Variants in TTLL11 observed in about 807,000 individuals in gnomAD.
The protein encoded by TTLL11 is tubulin tyrosine ligase like 11.
In TTLL11, 42 loss-of-function variants were observed where a neutral mutation model predicts 51.7. That is an observed-to-expected ratio of 0.81 (90% confidence interval 0.64 to 1.05). The LOEUF is 1.05. Ranked by LOEUF, TTLL11 falls within the 50% of genes least tolerant of loss-of-function variation. The probability of loss-of-function intolerance (pLI) is 0.00; values close to 1 mark genes in which losing one functional copy is unlikely to be tolerated. For missense variants in TTLL11, 799 were observed against 940.4 expected (o/e 0.85, Z 1.97); for synonymous variants, 381 against 383.5 (o/e 0.99, Z 0.08).
At chr9:122,021,738 A>G (rs181317632) in intron 3 of TTLL11, among the ~76,000 whole-genome samples, 64 of 152,314 alleles carry the variant, frequency 4.2e-4, no homozygotes, top group Non-Finnish European at 8.5e-4. Flanking sequence ...GTGCAGGAAT[A>G]TGGAAATATC....
At chr9:122,022,019 T>C (rs1268859838) in intron 3 of TTLL11, among the ~76,000 whole-genome samples, 1 of 152,172 alleles carries the variant, frequency 6.6e-6, no homozygotes, top group African/African-American at 2.4e-5. Flanking sequence ...GATAAGAGAT[T>C]GAATGGGATT....
chr9:121,929,439 CAA>C (rs34203510), intron 6 of TTLL11, among the ~76,000 whole-genome samples: 4 of 137,516 alleles, frequency 2.9e-5, no homozygotes, highest in Non-Finnish European at 3.2e-5. Flanking sequence ...GACCCCGTCT[CAA>C]AAAAAAAAAA....
At chr9:122,038,330 T>G (rs1168842919) in intron 2 of TTLL11, among the ~76,000 whole-genome samples, 2 of 152,038 alleles carry the variant, frequency 1.3e-5, no homozygotes, top group Admixed American at 1.3e-4. Flanking sequence ...ATCTTAAATA[T>G]CCTCTTCATT....
intron 6 of TTLL11, among the ~76,000 whole-genome samples, chr9:121,966,509 A>C (rs770842381): frequency 2.0e-5 from 3 of 152,222 alleles, no homozygotes; most frequent in Non-Finnish European, 4.4e-5. Context: ...TGATGGAACA[A>C]GCATCTTGCT....
At chr9:121,899,404 C>CAT (rs1564295600) in intron 6 of TTLL11, among the ~76,000 whole-genome samples, 1 of 56,794 alleles carries the variant, frequency 1.8e-5, no homozygotes, top group African/African-American at 5.4e-5. Flanking sequence ...TATATATATA[C>CAT]ACACACACAC....
intron 6 of TTLL11, among the ~76,000 whole-genome samples, chr9:121,937,226 G>A (rs563439207): frequency 5.3e-5 from 8 of 152,284 alleles, no homozygotes; most frequent in Non-Finnish European, 8.8e-5. Flanking sequence ...CGTGAATAAT[G>A]CCAGCTATTT....
At chr9:122,076,256 A>G (rs1845855101) in intron 1 of TTLL11, among the ~76,000 whole-genome samples, 1 of 152,212 alleles carries the variant, frequency 6.6e-6, no homozygotes, top group Non-Finnish European at 1.5e-5. Context: ...CCATAAGGCA[A>G]CCAGAGCGAT....
At chr9:122,068,166 T>C (rs1396706386) in intron 1 of TTLL11, among the ~76,000 whole-genome samples, 1 of 152,180 alleles carries the variant, frequency 6.6e-6, no homozygotes, top group Non-Finnish European at 1.5e-5. Flanking sequence ...TAAATCAATA[T>C]ATAACGATAC....
chr9:121,925,395 T>C lies in TTLL11; in HGVS notation c.1481+48614A>G, dbSNP rs559993327. 8.1e-4 allele frequency among the ~76,000 whole-genome samples: 124 copies of C among 152,252 alleles called. 1 individual carries two copies. The highest frequency in any genetic ancestry group is 6.8e-3 in the Middle Eastern group (2 of 294). On this transcript the variant is annotated intron_variant, in intron 6 of 8. Coordinates refer to ENST00000321582, the MANE Select transcript of TTLL11 (RefSeq NM_001139442.2). ...GGGCGAGGCCTCCCGCTGCCGGGCC[T>C]CCATCCATCTCGCCAGCCTTCCAGC... is the stretch of plus-strand genomic sequence containing the variant.
chr9:121,856,075 G>A (rs1837809183), intron 8 of TTLL11, among the ~76,000 whole-genome samples: 1 of 152,132 alleles, frequency 6.6e-6, no homozygotes, highest in Non-Finnish European at 1.5e-5. Context: ...GGTCCCCACT[G>A]TAATATATTT....
chr9:121,836,388 C>T (rs893898576), intron 8 of TTLL11, among the ~76,000 whole-genome samples: 1 of 152,172 alleles, frequency 6.6e-6, no homozygotes, highest in Non-Finnish European at 1.5e-5. Context: ...CCTGACATTG[C>T]TAACAACAGC....
At chr9:121,981,465 A>G (rs915150260) in intron 4 of TTLL11, among the ~76,000 whole-genome samples, 1 of 152,188 alleles carries the variant, frequency 6.6e-6, no homozygotes, top group Non-Finnish European at 1.5e-5. Flanking sequence ...AAATTTGTGT[A>G]TATAGTTATA....
intron 6 of TTLL11, among the ~76,000 whole-genome samples, chr9:121,933,260 C>A (rs1841063632): frequency 6.6e-6 from 1 of 151,968 alleles, no homozygotes; most frequent in Admixed American, 6.6e-5. Flanking sequence ...ACCATAGATG[C>A]CGGGAAAGAG....
intron 3 of TTLL11, among the ~76,000 whole-genome samples, chr9:121,996,846 T>C (rs1032591511): frequency 6.6e-6 from 1 of 152,220 alleles, no homozygotes; most frequent in Non-Finnish European, 1.5e-5. Context: ...CTTTATGTAA[T>C]TGCCAACTCT....
intron 2 of TTLL11, among the ~76,000 whole-genome samples, chr9:122,037,895 G>A (rs1364883087): frequency 2.0e-5 from 3 of 152,176 alleles, no homozygotes; most frequent in Non-Finnish European, 2.9e-5. Context: ...ACCCCTAGTG[G>A]ATGTGGCATA....
chr9:122,036,520 G>A (rs887059013), intron 2 of TTLL11, among the ~76,000 whole-genome samples: 7 of 151,638 alleles, frequency 4.6e-5, no homozygotes. Flanking sequence ...TATTTTCATA[G>A]AAAGTCTTAA....
Position 121,817,449 on chromosome 9 carries a change from G to A in TTLL11, c.*5138C>T, listed in dbSNP as rs965483773. ...AACACTACGTTTGAGCAGCGCCTTC[G>A]TTTACAAAACACTTTCACATTGATG... is the stretch of plus-strand genomic sequence containing the variant. On this transcript the variant is annotated 3_prime_UTR_variant, in exon 9 of 9. Coordinates refer to ENST00000321582, the MANE Select transcript of TTLL11 (RefSeq NM_001139442.2). The A allele has an allele frequency of 2.0e-5, 3 of 152,192 alleles. No homozygotes were observed. Among genetic ancestry groups the A allele is most frequent in the East Asian group, 1.9e-4 (1 of 5,202 alleles). 9.4% of individuals were successfully genotyped at this position (152,192 alleles called of 1,614,324 possible).
intron 8 of TTLL11, among the ~76,000 whole-genome samples, chr9:121,829,937 C>T (rs759819798): frequency 6.6e-5 from 10 of 152,158 alleles, no homozygotes; most frequent in Non-Finnish European, 1.2e-4. Context: ...CTTCTTGTTT[C>T]TTATCATATA....
intron 6 of TTLL11, among the ~76,000 whole-genome samples, chr9:121,892,822 G>A (rs1839302426): frequency 2.0e-5 from 3 of 152,182 alleles, no homozygotes. Context: ...CAGTACTGTT[G>A]CTGGACTGTT....
Sources: gnomAD v4.1 joint callset for allele counts (sites outside exome capture counted in the v4.1 genomes callset) on GRCh38, gnomAD v4.1.1 for gene constraint, MANE v1.5 for transcripts, NCBI Gene and HGNC (gene_info 2026-07-23, HGNC 2026-07-21) for gene names.